DAB1: variants seen among roughly 807,000 people sequenced by gnomAD.
DAB1 encodes the protein DAB adaptor protein 1.
DAB1 carries 15 observed loss-of-function variants against 64.6 expected under a neutral mutation model. That is an observed-to-expected ratio of 0.23 (90% CI 0.16 to 0.36). DAB1 has a LOEUF of 0.36. Among genes scored for constraint, DAB1 ranks in the 10% least tolerant of loss-of-function variants. The probability of loss-of-function intolerance (pLI) is 1.00; values close to 1 mark genes in which losing one functional copy is unlikely to be tolerated. For synonymous variants in DAB1, 235 were observed against 251.9 expected (o/e 0.93, Z 0.64); for missense variants, 596 against 706.7 (o/e 0.84, Z 1.78).
intron 3 of DAB1, among the ~76,000 whole-genome samples, chr1:58,483,347 TGA>T (rs760524020): frequency 1.3e-5 from 2 of 152,128 alleles, no homozygotes; most frequent in Non-Finnish European, 2.9e-5. Flanking sequence ...AACATTTCAT[TGA>T]GTCCCACAGG....
At chr1:58,441,698 T>A (rs1645010082) in intron 3 of DAB1, among the ~76,000 whole-genome samples, 1 of 152,192 alleles carries the variant, frequency 6.6e-6, no homozygotes, top group Non-Finnish European at 1.5e-5. Context: ...GTGCAAGATG[T>A]CCTCCTGGTA....
In DAB1 at chr1:57,282,200, A is replaced by AC. The variant is rs1458245857; in HGVS notation, c.67+8763_67+8764insG. On this transcript the variant is annotated intron_variant, in intron 2 of 14. Coordinates refer to ENST00000371236, the MANE Select transcript of DAB1 (RefSeq NM_001365792.1). The stretch of plus-strand genomic sequence containing the variant: ...TTCTTCTCAAAAAAAAAAAAAAAAA[A>AC]AAAAAAAAAAAACAGGTGACTGAGT... 4.4e-5 allele frequency among the ~76,000 whole-genome samples: 6 copies of AC among 137,460 alleles called. No homozygotes were observed. In the East Asian group the frequency reaches 6.2e-4, roughly 14 times the overall value. 90.2% of individuals were successfully genotyped at this position (137,460 alleles called of 152,430 possible).
chr1:57,164,869 T>C (rs74543869), intron 2 of DAB1, among the ~76,000 whole-genome samples: 1 of 152,254 alleles, frequency 6.6e-6, no homozygotes, highest in African/African-American at 2.4e-5. Context: ...TCAGGTCTAC[T>C]CAGGTTGATT....
intron 5 of DAB1, among the ~76,000 whole-genome samples, chr1:57,971,811 C>T (rs1193923603): frequency 2.6e-5 from 4 of 152,166 alleles, no homozygotes; most frequent in Non-Finnish European, 5.9e-5. Context: ...GCAGGTCCCA[C>T]CAATGGCAAT....
At chr1:57,573,885 G>C (rs542943355) in intron 7 of DAB1, among the ~76,000 whole-genome samples, 1 of 152,170 alleles carries the variant, frequency 6.6e-6, no homozygotes, top group East Asian at 1.9e-4. Context: ...AAATTAATGA[G>C]TGAAGCATTA....
chr1:58,400,708 G>A (rs1011057138), intron 3 of DAB1, among the ~76,000 whole-genome samples: 3 of 152,116 alleles, frequency 2.0e-5, no homozygotes, highest in Non-Finnish European at 4.4e-5. Context: ...AAGCAATAAA[G>A]TTTTAAATGA....
chr1:57,109,433 C>A (rs1655458668), intron 4 of DAB1, among the ~76,000 whole-genome samples: 1 of 152,172 alleles, frequency 6.6e-6, no homozygotes, highest in Non-Finnish European at 1.5e-5. Context: ...CTCTGGAAAA[C>A]AAACATGGCT....
intron 3 of DAB1, among the ~76,000 whole-genome samples, chr1:58,438,748 TG>T (rs1451359176): frequency 2.6e-5 from 4 of 152,168 alleles, no homozygotes; most frequent in Non-Finnish European, 5.9e-5. Context: ...GGACAAAGTC[TG>T]GGATGTTAGT....
intron 6 of DAB1, among the ~76,000 whole-genome samples, chr1:57,812,297 C>A (rs1217593950): frequency 1.8e-5 from 2 of 113,896 alleles, no homozygotes; most frequent in Non-Finnish European, 3.4e-5. Flanking sequence ...CCTGAAAAAA[C>A]ACACAACCTG....
intron 1 of DAB1, among the ~76,000 whole-genome samples, chr1:57,326,084 G>C (rs1332495284): frequency 6.6e-6 from 1 of 152,226 alleles, no homozygotes; most frequent in Non-Finnish European, 1.5e-5. Flanking sequence ...ACGATGAAAA[G>C]GGGGTACTCC....
intron 11 of DAB1, among the ~76,000 whole-genome samples, chr1:57,022,845 T>G (rs1366524725): frequency 2.0e-5 from 3 of 152,286 alleles, no homozygotes; most frequent in Non-Finnish European, 4.4e-5. Flanking sequence ...GCAAGTACAG[T>G]GGCCTGGCCA....
intron 1 of DAB1, among the ~76,000 whole-genome samples, chr1:57,829,988 C>T (rs1652517540): frequency 6.6e-6 from 1 of 152,146 alleles, no homozygotes; most frequent in African/African-American, 2.4e-5. Context: ...TGGTGCTTGT[C>T]CAATTATATC....
At chr1:57,054,750 T>C (rs555017999) in intron 9 of DAB1, among the ~76,000 whole-genome samples, 1 of 152,300 alleles carries the variant, frequency 6.6e-6, no homozygotes, top group South Asian at 2.1e-4. Context: ...AGGGCTGGGA[T>C]TACAGGCGTG....
chr1:57,899,054 A>C (rs1421867312), intron 5 of DAB1, among the ~76,000 whole-genome samples: 2 of 152,028 alleles, frequency 1.3e-5, no homozygotes, highest in Non-Finnish European at 2.9e-5. Flanking sequence ...TTTACTTTAT[A>C]ATTTTAGTTC....
chr1:57,179,305 C>T (rs942885917), intron 2 of DAB1, among the ~76,000 whole-genome samples: 2 of 152,156 alleles, frequency 1.3e-5, no homozygotes, highest in South Asian at 2.1e-4. Flanking sequence ...GGTGGATCAA[C>T]GCCTAAAGCA....
intron 9 of DAB1, among the ~76,000 whole-genome samples, chr1:57,050,431 T>A (rs1006776593): frequency 6.6e-6 from 1 of 152,212 alleles, no homozygotes; most frequent in African/African-American, 2.4e-5. Context: ...TCCCTTGGCA[T>A]CCTCATCTCC....
At chr1:57,274,046 A>AT (rs1480832466) in intron 2 of DAB1, among the ~76,000 whole-genome samples, 1 of 152,184 alleles carries the variant, frequency 6.6e-6, no homozygotes. Flanking sequence ...TTTAGAGATG[A>AT]TTTCACCCAT....
At chr1:57,584,221 T>C (rs1645350967) in intron 7 of DAB1, among the ~76,000 whole-genome samples, 1 of 152,198 alleles carries the variant, frequency 6.6e-6, no homozygotes, top group Non-Finnish European at 1.5e-5. Context: ...TTTCTATATA[T>C]CATTTCCCTT....
At chr1:57,337,327 T>C (rs1677161823) in intron 1 of DAB1, among the ~76,000 whole-genome samples, 1 of 152,238 alleles carries the variant, frequency 6.6e-6, no homozygotes, top group South Asian at 2.1e-4. Flanking sequence ...ACCACCACTC[T>C]TGGTATCCCT....
Sources: allele counts gnomAD v4.1 joint callset (sites outside exome capture counted in the v4.1 genomes callset), GRCh38; gene constraint gnomAD v4.1.1; transcripts MANE v1.5; gene names NCBI Gene and HGNC (gene_info 2026-07-23, HGNC 2026-07-21).